HECW1: variants seen among roughly 807,000 people sequenced by gnomAD.
The protein encoded by HECW1 is E3 ubiquitin-protein ligase HECW1.
In HECW1, 61 loss-of-function variants were observed where a neutral mutation model predicts 182.3. That is an observed-to-expected ratio of 0.33 (90% CI 0.27 to 0.41). HECW1 has a LOEUF of 0.41. Among genes scored for constraint, HECW1 ranks in the 10% least tolerant of loss-of-function variants. The pLI is 1.00. For synonymous variants in HECW1, 859 were observed against 832.6 expected, an observed-to-expected ratio of 1.03 and a Z score of -0.55; for missense variants, 1,739 against 2,108.9, an observed-to-expected ratio of 0.82 and a Z score of 3.44.
chr7:43,481,481 C>A (rs1266124187), intron 17 of HECW1, among the ~76,000 whole-genome samples: 1 of 152,164 alleles, frequency 6.6e-6, no homozygotes, highest in Non-Finnish European at 1.5e-5. Context: ...AGATCTCTTA[C>A]AATTACAAGA....
At position 43,565,978 on chromosome 7, in the gene HECW1, C is replaced by G. The variant is rs1264231384; in HGVS notation, c.*4052C>G. 5.3e-6 allele frequency: 1 copy of G among 189,624 alleles called. No individual in the cohort carries two copies. Among genetic ancestry groups the G allele is most frequent in the African/African-American group, 2.3e-5 (1 of 42,848 alleles). 11.7% of individuals were successfully genotyped at this position (189,624 alleles called of 1,614,324 possible). On this transcript the variant is annotated 3_prime_UTR_variant, in exon 30 of 30. Coordinates refer to ENST00000395891, the MANE Select transcript of HECW1 (RefSeq NM_015052.5). ...CCATCACACCATCTTCAAGGAATGT[C>G]AATAAACTCACTTTGGTATGGCATT...
intron 19 of HECW1, 116 bp from the exon 20 acceptor site, chr7:43,500,583 C>A: frequency 1.2e-6 from 1 of 841,066 alleles, no homozygotes; most frequent in South Asian, 1.5e-5. Context: ...ATACATAGGA[C>A]GTTAGGACAT....
chr7:43,458,713 A>G (rs757236458), intron 13 of HECW1, among the ~76,000 whole-genome samples: 57 of 152,346 alleles, frequency 3.7e-4, no homozygotes, highest in Middle Eastern at 6.8e-3. Flanking sequence ...TTGGCATTAT[A>G]ACAGGCAGCC....
chr7:43,146,149 C>T (rs1038010139), intron 2 of HECW1, among the ~76,000 whole-genome samples: 9 of 152,210 alleles, frequency 5.9e-5, no homozygotes, highest in African/African-American at 1.7e-4. Context: ...TCCAATTTTG[C>T]TTTGTCCTAA....
At chr7:43,205,559 G>A (rs965424729) in intron 2 of HECW1, among the ~76,000 whole-genome samples, 5 of 152,178 alleles carry the variant, frequency 3.3e-5, no homozygotes, top group African/African-American at 4.8e-5. Context: ...ACTCTGAATA[G>A]AGTCTGGTCA....
At chr7:43,510,862 G>T (rs2079829825) in intron 24 of HECW1, 1 of 152,178 alleles carries the variant, frequency 6.6e-6, no homozygotes, top group South Asian at 2.1e-4. Flanking sequence ...ACAGGTGAAG[G>T]CCTGATGGGA....
chr7:43,211,345 C>T (rs1053310472), intron 2 of HECW1, among the ~76,000 whole-genome samples: 6 of 152,168 alleles, frequency 3.9e-5, no homozygotes, highest in Non-Finnish European at 8.8e-5. Context: ...GTTTAAGTTC[C>T]ATCTGACACA....
At chr7:43,131,111 C>G (rs1786867580) in intron 2 of HECW1, among the ~76,000 whole-genome samples, 2 of 152,044 alleles carry the variant, frequency 1.3e-5, no homozygotes, top group African/African-American at 4.8e-5. Flanking sequence ...ACTAAAAATA[C>G]AAAAATTAGA....
chr7:43,543,020 A>G (rs1211823865), intron 26 of HECW1, among the ~76,000 whole-genome samples: 1 of 152,208 alleles, frequency 6.6e-6, no homozygotes, highest in Non-Finnish European at 1.5e-5. Flanking sequence ...CAAAATACAT[A>G]TATCTCAACA....
At chr7:43,358,539 C>T (rs549624863) in intron 5 of HECW1, among the ~76,000 whole-genome samples, 1 of 152,304 alleles carries the variant, frequency 6.6e-6, no homozygotes, top group Admixed American at 6.5e-5. Context: ...ATCCAGGCAT[C>T]ACCCAGGTAA....
At chr7:43,369,382 C>T (rs988417704) in intron 6 of HECW1, among the ~76,000 whole-genome samples, 6 of 152,006 alleles carry the variant, frequency 3.9e-5, no homozygotes, top group Non-Finnish European at 7.4e-5. Flanking sequence ...CGCTTGAACT[C>T]GGGAGGCGGA....
At chr7:43,517,928 T>C (rs1010193408) in intron 24 of HECW1, among the ~76,000 whole-genome samples, 1 of 152,178 alleles carries the variant, frequency 6.6e-6, no homozygotes, top group Non-Finnish European at 1.5e-5. Context: ...CTTCAGAATG[T>C]GTGAGAAACT....
rs768852149 is a variant in HECW1 at position 43,444,464 on chromosome 7, T to C, written c.1292T>C (p.Val431Ala). Reference sequence around the variant, plus strand: ...ACGGAGGCAGGAGACCAGGGCATGGTCTCTGTGGGACCTGAAGGGGCTGGG... The same window carrying C: ...ACGGAGGCAGGAGACCAGGGCATGGCCTCTGTGGGACCTGAAGGGGCTGGG... ...VITEAGDQGM[V>A]SVGPEGAGEL... Residue 431 changes from valine (V) to alanine (A), a missense_variant, in exon 11 of 30, where the codon GTC (valine) becomes GCC (alanine). Val to Ala is a moderately conservative substitution (Grantham distance 64). Coordinates refer to ENST00000395891, the MANE Select transcript of HECW1 (RefSeq NM_015052.5). This position sits in a 1 kb window ranked among gnomAD's most constrained non-coding sequence, Gnocchi z 4.3. 1 of 1,613,430 alleles carries C rather than the reference T, an allele frequency of 6.2e-7. No individual in the cohort carries two copies. The highest frequency in any genetic ancestry group is 1.3e-5 in the African/African-American group (1 of 74,994).
intron 26 of HECW1, among the ~76,000 whole-genome samples, chr7:43,544,596 C>CAT (rs71011923): frequency 0.55 from 83,953 of 151,806 alleles, 23,243 homozygotes; most frequent in Non-Finnish European, 0.58. Context: ...ACTCAGCACA[C>CAT]GTCTAGAAAT....
chr7:43,364,396 C>T (rs2152815146), intron 6 of HECW1, among the ~76,000 whole-genome samples: 1 of 152,314 alleles, frequency 6.6e-6, no homozygotes, highest in East Asian at 1.9e-4. Flanking sequence ...GATGGATGTG[C>T]TTATAGAGAT....
At chr7:43,327,961 A>ATAT (rs4049927) in intron 5 of HECW1, among the ~76,000 whole-genome samples, 29,228 of 146,080 alleles carry the variant, frequency 0.2, 3,062 homozygotes, top group Middle Eastern at 0.29. Flanking sequence ...TGAACCATTT[A>ATAT]TATTATTATT....
chr7:43,116,688 A>G (rs1201102456), intron 2 of HECW1, among the ~76,000 whole-genome samples: 1 of 152,234 alleles, frequency 6.6e-6, no homozygotes, highest in Non-Finnish European at 1.5e-5. Flanking sequence ...GAAACCAGGA[A>G]GTTGCAATAC....
At chr7:43,128,245 A>T (rs1656138487) in intron 2 of HECW1, among the ~76,000 whole-genome samples, 1 of 152,230 alleles carries the variant, frequency 6.6e-6, no homozygotes, top group Non-Finnish European at 1.5e-5. Flanking sequence ...TAGGATTTTC[A>T]TAGCTAGAGA....
chr7:43,544,535 A>G (rs558920712), intron 26 of HECW1, among the ~76,000 whole-genome samples: 5 of 152,346 alleles, frequency 3.3e-5, no homozygotes, highest in Non-Finnish European at 5.9e-5. Flanking sequence ...TTCACTCTCT[A>G]TGAAAGGCAC....
Sources: allele counts gnomAD v4.1 joint callset (sites outside exome capture counted in the v4.1 genomes callset), GRCh38; gene constraint gnomAD v4.1.1; non-coding constraint Gnocchi (gnomAD v3.1); transcripts MANE v1.5; gene names NCBI Gene and HGNC (gene_info 2026-07-23, HGNC 2026-07-21).